The following USP35 variants were observed in gnomAD, a reference collection of about 807,000 sequenced individuals.
USP35 encodes the protein ubiquitin carboxyl-terminal hydrolase 35.
Under a neutral mutation model 83.8 loss-of-function variants are expected in USP35, and 69 were observed. The ratio of observed to expected loss-of-function variants is 0.82; its 90% confidence interval spans 0.68 to 1.01. USP35 has a LOEUF of 1.01. Ranked by LOEUF, USP35 falls within the 50% of genes least tolerant of loss-of-function variation. The probability of loss-of-function intolerance (pLI) is 0.00; values close to 1 mark genes in which losing one functional copy is unlikely to be tolerated. For synonymous variants in USP35, 714 were observed against 589.5 expected, an observed-to-expected ratio of 1.21 and a Z score of -3.06; for missense variants, 1,503 against 1,362.5, an observed-to-expected ratio of 1.10 and a Z score of -1.62.
downstream of USP35, among the ~76,000 whole-genome samples, chr11:78,220,061 T>A (rs1864343377): frequency 6.6e-6 from 1 of 152,158 alleles, no homozygotes; most frequent in Non-Finnish European, 1.5e-5. Context: ...GTGCACTCAT[T>A]TGCCCATCTC....
intron 1 of USP35, among the ~76,000 whole-genome samples, chr11:78,194,583 G>C (rs770203218): frequency 6.6e-6 from 1 of 152,200 alleles, no homozygotes; most frequent in Non-Finnish European, 1.5e-5. Flanking sequence ...TTACGTGTTA[G>C]ATGTTAAGAG....
intron 8 of USP35, among the ~76,000 whole-genome samples, chr11:78,208,080 G>A (rs1267753074): frequency 2.0e-5 from 3 of 152,268 alleles, no homozygotes; most frequent in African/African-American, 4.8e-5. Context: ...AAGGGAAAGC[G>A]GGATGAACTC....
In USP35 at chr11:78,200,165, G is replaced by A. The variant is rs745355873; in HGVS notation, c.969G>A (p.Arg323=). Residue 323 remains arginine, a synonymous_variant, in exon 5 of 11, where the codon CGG becomes CGA. Coordinates refer to ENST00000529308, the MANE Select transcript of USP35 (RefSeq NM_020798.4). ...CTAAGCTGCTGTACCCCATCGTCCG[G>A]GGAGCTGCCTTGTCTGTGCTCAAGT... ...VFSKLLYPIV[R]GAALSVLKYM... is the part of the protein sequence containing the mutation. 1 of 1,614,174 alleles carries A rather than the reference G, an allele frequency of 6.2e-7. No individual in the cohort carries two copies. Among genetic ancestry groups the A allele is most frequent in the African/African-American group, 1.3e-5 (1 of 75,040 alleles).
Position 78,209,644 on chromosome 11 carries a change from T to C in USP35, c.1789T>C (p.Ser597Pro). The part of the protein sequence containing the change: ...SSREEAFTDL[S>P]LAFPPPERCR... ...CCGGGAGGAGGCCTTCACGGACCTC[T>C]CTCTCGCCTTCCCTCCTCCTGAGCG... The change falls in exon 10 of 11, where the codon TCT becomes CCT. Residue 597 changes from serine (S) to proline (P), a missense_variant. Transcript: ENST00000529308. 1 of 1,614,074 alleles carries C rather than the reference T, an allele frequency of 6.2e-7. No homozygotes were observed. Among genetic ancestry groups the C allele is most frequent in the Non-Finnish European group, 8.5e-7 (1 of 1,179,968 alleles).
At chr11:78,219,061 G>T, downstream of USP35, 1 of 548,882 alleles carries the variant, frequency 1.8e-6, no homozygotes, top group East Asian at 3.0e-5. Context: ...AAAAATCACA[G>T]CTGGGCCCCG....
chr11:78,207,679 C>A, intron 8 of USP35, 56 bp downstream of exon 8: 2 of 1,539,244 alleles, frequency 1.3e-6, no homozygotes, highest in Non-Finnish European at 1.8e-6. Flanking sequence ...CAGGCCCCGA[C>A]ATGGACACCT....
chr11:78,227,646 A>AAAAAAAAAAAAAAAAAAC, the USP35 span, among the ~76,000 whole-genome samples: 1 of 151,494 alleles, frequency 6.6e-6, no homozygotes, highest in Non-Finnish European at 1.5e-5. Flanking sequence ...AAAAAAAAAA[A>AAAAAAAAAAAAAAAAAAC]AGAACTAGCT....
chr11:78,212,348 A>G (rs1283488502), intron 10 of USP35, among the ~76,000 whole-genome samples: 4 of 152,244 alleles, frequency 2.6e-5, no homozygotes, highest in Admixed American at 2.0e-4. Flanking sequence ...TAAGCAAAAC[A>G]GCATAGTTTG....
chr11:78,231,336 G>GTGTGTGTGTGTGTGTGTGTGTGTGTGTGT, the USP35 span, among the ~76,000 whole-genome samples: 1 of 145,794 alleles, frequency 6.9e-6, no homozygotes, highest in African/African-American at 2.6e-5. Flanking sequence ...GCGCGTGTGT[G>GTGTGTGTGTGTGTGTGTGTGTGTGTGTGT]GTGTGTGTGT....
At chr11:78,216,649 A>AT (rs1864162069), downstream of USP35, 1 of 152,060 alleles carries the variant, frequency 6.6e-6, no homozygotes, top group Non-Finnish European at 1.5e-5. Flanking sequence ...CTCCTGGGAG[A>AT]TTCGATTTGA....
At position 78,210,164 on chromosome 11, in the gene USP35, C is replaced by A. The variant is rs370078988; in HGVS notation, c.2309C>A (p.Ser770Tyr). Residue 770 changes from serine to tyrosine, a missense_variant, in exon 10 of 11, where the codon TCC (serine) becomes TAC (tyrosine). Coordinates refer to ENST00000529308, the MANE Select transcript of USP35 (RefSeq NM_020798.4). ...SVLDLVNYFL[S>Y]PEKLTAENRY... ...CTGGACCTGGTTAACTACTTCCTGTCCCCCGAGAAGCTGACAGCAGAAAAC... is the reference window on the plus strand; with the variant it reads ...CTGGACCTGGTTAACTACTTCCTGTACCCCGAGAAGCTGACAGCAGAAAAC... 1 of 1,613,648 alleles carries A rather than the reference C, an allele frequency of 6.2e-7. No homozygotes were observed. Among genetic ancestry groups the A allele is most frequent in the African/African-American group, 1.3e-5 (1 of 75,040 alleles).
chr11:78,207,985 C>T (rs974047736), intron 8 of USP35, among the ~76,000 whole-genome samples: 8 of 152,168 alleles, frequency 5.3e-5, no homozygotes, highest in African/African-American at 1.2e-4. Context: ...GGCCCAAGAT[C>T]GAGGGGCTGT....
intron 1 of USP35, among the ~76,000 whole-genome samples, chr11:78,195,033 A>G (rs1863102935): frequency 6.6e-6 from 1 of 152,180 alleles, no homozygotes; most frequent in South Asian, 2.1e-4. Flanking sequence ...ACAAAGGCCC[A>G]GGGGCAGAGG....
chr11:78,228,772 A>G, the USP35 span, among the ~76,000 whole-genome samples: 1 of 138,654 alleles, frequency 7.2e-6, no homozygotes, highest in Non-Finnish European at 1.5e-5. Context: ...GCCAACAGCC[A>G]TGGGCTTGGA....
chr11:78,225,226 A>G, the USP35 span: 90 of 1,490,988 alleles, frequency 6.0e-5, no homozygotes, highest in South Asian at 7.7e-4. Flanking sequence ...GAGGATTCAT[A>G]AGTACTCATG....
chr11:78,190,245 TG>T (rs1465956957), intron 1 of USP35, among the ~76,000 whole-genome samples: 61 of 152,268 alleles, frequency 4.0e-4, no homozygotes, highest in African/African-American at 1.4e-3. Context: ...ATTTTTGTTT[TG>T]TTTTGTTTTG....
At chr11:78,233,967 T>C in the USP35 span, among the ~76,000 whole-genome samples, 65 of 152,366 alleles carry the variant, frequency 4.3e-4, 1 homozygote, top group Admixed American at 2.4e-3. Flanking sequence ...TGATAAAGAC[T>C]ACTTCACCAA....
Position 78,214,035 on chromosome 11 carries a change from T to TGGTTAACTTGAAGCAGCCGAGATGG in USP35, c.*224_*248dup. On this transcript the variant is annotated 3_prime_UTR_variant, in exon 11 of 11. Coordinates refer to ENST00000529308, the MANE Select transcript of USP35 (RefSeq NM_020798.4). Reference sequence around the variant, plus strand: ...ATTAAAACTTTACACCCAAGTGTCCTGGTTAACTTGAAGCAGCCGAGATGG... The same window carrying TGGTTAACTTGAAGCAGCCGAGATGG: ...ATTAAAACTTTACACCCAAGTGTCCTGGTTAACTTGAAGCAGCCGAGATGGGGTTAACTTGAAGCAGCCGAGATGG... 4.2e-6 allele frequency: 2 copies of TGGTTAACTTGAAGCAGCCGAGATGG among 473,324 alleles called. No homozygotes were observed. Among genetic ancestry groups the TGGTTAACTTGAAGCAGCCGAGATGG allele is most frequent in the Non-Finnish European group, 7.0e-6 (2 of 286,358 alleles). 29.3% of individuals were successfully genotyped at this position (473,324 alleles called of 1,614,324 possible).
chr11:78,215,424 C>T (rs1864071312), downstream of USP35: 1 of 152,590 alleles, frequency 6.6e-6, no homozygotes, highest in Admixed American at 6.5e-5. Flanking sequence ...ACTCCTGTCC[C>T]ACCCACCGGA....
Sources: allele counts gnomAD v4.1 joint callset (sites outside exome capture counted in the v4.1 genomes callset), GRCh38; gene constraint gnomAD v4.1.1; transcripts MANE v1.5; gene names NCBI Gene and HGNC (gene_info 2026-07-23, HGNC 2026-07-21).